Variants in PIK3R1 observed in about 807,000 individuals in gnomAD.
PIK3R1 encodes the protein phosphoinositide-3-kinase regulatory subunit 1.
A neutral mutation model predicts 98.0 loss-of-function variants in PIK3R1; 29 were observed. The ratio of observed to expected loss-of-function variants is 0.30; its 90% CI spans 0.22 to 0.40. PIK3R1 has a LOEUF of 0.40. PIK3R1 is among the 10% of genes least tolerant of loss of function. The pLI is 1.00. For missense variants in PIK3R1, 596 were observed against 872.7 expected (o/e 0.68, Z 3.99); for synonymous variants, 282 against 311.8 (o/e 0.90, Z 1.01).
chr5:68,263,124 GATAC>G (rs1391915884), intron 2 of PIK3R1, among the ~76,000 whole-genome samples: 2 of 80,834 alleles, frequency 2.5e-5, no homozygotes, highest in African/African-American at 5.2e-5. Flanking sequence ...TAGATATATA[GATAC>G]ATAGATACAT....
At position 68,273,416 on chromosome 5, in the gene PIK3R1, C is replaced by G; in HGVS notation, c.361C>G (p.Gln121Glu). 1.9e-6 allele frequency: 3 copies of G among 1,614,092 alleles called. No homozygotes were observed. Among genetic ancestry groups the G allele is most frequent in the Non-Finnish European group, 2.5e-6 (3 of 1,179,986 alleles). Reference sequence around the variant, plus strand: ...TTTGACTCTCCCGGATCTTGCAGAGCAGTTTGCCCCTCCTGACATTGCCCC... The same window carrying G: ...TTTGACTCTCCCGGATCTTGCAGAGGAGTTTGCCCCTCCTGACATTGCCCC... ...QALTLPDLAE[Q>E]FAPPDIAPPL... is the part of the protein sequence containing the mutation. Residue 121 changes from glutamine (Q) to glutamate (E), a missense_variant, in exon 3 of 16, where the codon CAG (glutamine) becomes GAG (glutamate). Physicochemically the swap from Gln to Glu is conservative, Grantham distance 29. Coordinates refer to ENST00000521381, the MANE Select transcript of PIK3R1 (RefSeq NM_181523.3).
chr5:68,244,370 T>G (rs1477406468), intron 2 of PIK3R1, among the ~76,000 whole-genome samples: 1 of 152,106 alleles, frequency 6.6e-6, no homozygotes, highest in Non-Finnish European at 1.5e-5. Flanking sequence ...TGGGATTTAT[T>G]TATGGGTATT....
chr5:68,218,774 A>G (rs1415243035), intron 1 of PIK3R1, among the ~76,000 whole-genome samples: 1 of 152,242 alleles, frequency 6.6e-6, no homozygotes, highest in African/African-American at 2.4e-5. Flanking sequence ...AAGTGAAGGC[A>G]AGAGAATGAA....
chr5:68,266,534 T>G (rs769911413), intron 2 of PIK3R1, among the ~76,000 whole-genome samples: 10 of 152,246 alleles, frequency 6.6e-5, no homozygotes, highest in Admixed American at 2.6e-4. Flanking sequence ...TCATTTAACT[T>G]GAGCATAATC....
At chr5:68,291,224 C>T (rs1333179685) in intron 7 of PIK3R1, 1 of 156,820 alleles carries the variant, frequency 6.4e-6, no homozygotes, top group African/African-American at 2.4e-5. Context: ...GCAGTGATAA[C>T]ACTTGGTACT....
chr5:68,266,834 TAAATG>T (rs1163073559), intron 2 of PIK3R1, among the ~76,000 whole-genome samples: 2 of 152,156 alleles, frequency 1.3e-5, no homozygotes, highest in East Asian at 3.9e-4. Context: ...CTATGAAAAA[TAAATG>T]AAAATATTTC....
At chr5:68,281,162 G>A (rs534024988) in intron 7 of PIK3R1, among the ~76,000 whole-genome samples, 156 bp downstream of exon 7, 3 of 152,300 alleles carry the variant, frequency 2.0e-5, no homozygotes, top group African/African-American at 7.2e-5. Flanking sequence ...AAATAGCTGA[G>A]TGGTAGTGTA....
At chr5:68,236,944 A>G (rs1392476939) in intron 2 of PIK3R1, among the ~76,000 whole-genome samples, 2 of 152,248 alleles carry the variant, frequency 1.3e-5, no homozygotes, top group Non-Finnish European at 2.9e-5. Flanking sequence ...TGTAAATGCA[A>G]TTTTTCTCAG....
intron 4 of PIK3R1, among the ~76,000 whole-genome samples, chr5:68,275,460 T>C (rs1746531893): frequency 6.6e-6 from 1 of 151,992 alleles, no homozygotes; most frequent in South Asian, 2.1e-4. Context: ...TGGAAGTTAT[T>C]TGAGAAATAG....
rs140682577 is a variant in PIK3R1 at position 68,256,601 on chromosome 5, T to C, written c.335-16789T>C. ...GCTGTACTTCTTTTCTGTTACCTTA[T>C]GAAGTTGATTGTTGTTGAAGCACCA... On this transcript the variant is annotated intron_variant, in intron 2 of 15. Coordinates refer to ENST00000521381, the MANE Select transcript of PIK3R1 (RefSeq NM_181523.3). Among the ~76,000 whole-genome samples the C allele has an allele frequency of 3.9e-3, 587 of 152,280 alleles. 2 individuals are homozygous for C. The highest frequency in any genetic ancestry group is 0.014 in the African/African-American group (570 of 41,536).
At chr5:68,271,947 C>T (rs1298783944) in intron 2 of PIK3R1, among the ~76,000 whole-genome samples, 1 of 152,068 alleles carries the variant, frequency 6.6e-6, no homozygotes, top group East Asian at 1.9e-4. Flanking sequence ...ACTTGAAATA[C>T]AGGCTTAATT....
intron 2 of PIK3R1, among the ~76,000 whole-genome samples, chr5:68,265,187 A>G (rs6863431): frequency 6.6e-6 from 1 of 151,524 alleles, no homozygotes; most frequent in African/African-American, 2.4e-5. Context: ...CTCCTGAATC[A>G]GGCTGTTAAT....
chr5:68,268,833 G>A (rs1245517266), intron 2 of PIK3R1, among the ~76,000 whole-genome samples: 1 of 152,162 alleles, frequency 6.6e-6, no homozygotes, highest in Non-Finnish European at 1.5e-5. Context: ...TCATAACGGT[G>A]TTGGCATCAC....
chr5:68,262,992 G>T (rs1210846585), intron 2 of PIK3R1, among the ~76,000 whole-genome samples: 1 of 47,796 alleles, frequency 2.1e-5, no homozygotes, highest in African/African-American at 1.1e-4. Context: ...GATACATGTA[G>T]ATACATGTAT....
chr5:68,226,334 T>C lies in PIK3R1; in HGVS notation c.-342T>C. 2 of 437,282 alleles carry C rather than the reference T, an allele frequency of 4.6e-6. No individual in the cohort carries two copies. Among genetic ancestry groups the C allele is most frequent in the Non-Finnish European group, 8.1e-6 (2 of 247,958 alleles). 27.1% of individuals were successfully genotyped at this position (437,282 alleles called of 1,614,324 possible). A position where few individuals can be genotyped will look rare whatever the true frequency, so the allele number is the denominator to read the frequency against. ...TGCCACGGTACAATCAGACGACAGA[T>C]GGACAGTGTGACAAAAGTGTCAGAA... is the stretch of plus-strand genomic sequence containing the variant. On this transcript the variant is annotated 5_prime_UTR_variant, in exon 2 of 16. It removes an upstream start codon present in the reference 5' UTR. Coordinates refer to ENST00000521381, the MANE Select transcript of PIK3R1 (RefSeq NM_181523.3).
intron 2 of PIK3R1, among the ~76,000 whole-genome samples, chr5:68,262,517 TATAG>T (rs1481224506): frequency 9.9e-6 from 1 of 100,762 alleles, no homozygotes; most frequent in Non-Finnish European, 2.0e-5. Context: ...TATGTATACA[TATAG>T]ATACATAGCT....
intron 15 of PIK3R1, 135 bp downstream of exon 15, chr5:68,296,476 G>T: frequency 1.2e-6 from 1 of 800,580 alleles, no homozygotes; most frequent in Non-Finnish European, 2.0e-6. Context: ...TAATGTAGAA[G>T]AGAAACCAAA....
intron 1 of PIK3R1, among the ~76,000 whole-genome samples, chr5:68,216,388 C>G (rs1411614729): frequency 6.6e-6 from 1 of 152,180 alleles, no homozygotes; most frequent in Non-Finnish European, 1.5e-5. Flanking sequence ...CGGGAAGGAG[C>G]GCTCCCTTCC....
Position 68,292,276 on chromosome 5 carries a change from C to T in PIK3R1, c.934C>T (p.Pro312Ser), listed in dbSNP as rs1293887048. ...QPAPALPPKP[P>S]KPTTVANNGM... ...ATCTGCAGCACTGCCTCCTAAACCA[C>T]CAAAACCTACTACTGTAGCCAACAA... Residue 312 changes from proline to serine, a missense_variant, in exon 8 of 16, where the codon CCA becomes TCA. By Grantham distance (74) the Pro-to-Ser change is moderately conservative. Around this residue, in one of 3 missense-constraint regions of PIK3R1, gnomAD observed 352 missense variants for 393.3 expected, o/e 0.90. Coordinates refer to ENST00000521381, the MANE Select transcript of PIK3R1 (RefSeq NM_181523.3). 1.2e-6 allele frequency: 2 copies of T among 1,613,232 alleles called. No homozygotes were observed. Among genetic ancestry groups the T allele is most frequent in the Admixed American group, 1.7e-5 (1 of 59,958 alleles).
Sources: allele counts gnomAD v4.1 joint callset (sites outside exome capture counted in the v4.1 genomes callset), GRCh38; gene constraint gnomAD v4.1.1; regional missense constraint gnomAD v4.1.1; transcripts MANE v1.5; gene names NCBI Gene and HGNC (gene_info 2026-07-23, HGNC 2026-07-21).